The following SLC22A14 variants were observed in gnomAD, a reference collection of about 807,000 sequenced individuals.
The protein encoded by SLC22A14 is solute carrier family 22 member 14, also known as organic cation transporter-like 4.
A neutral mutation model predicts 53.9 loss-of-function variants in SLC22A14; 50 were observed. The observed-to-expected ratio is 0.93, with a 90% CI of 0.74 to 1.17. SLC22A14 has a LOEUF of 1.17. SLC22A14 is among the 50% of genes most tolerant of loss of function. The pLI, the probability that SLC22A14 is intolerant of heterozygous loss-of-function variation, is 0.00. For synonymous variants in SLC22A14, 312 were observed against 303.0 expected, an observed-to-expected ratio of 1.03 and a Z score of -0.31; for missense variants, 671 against 734.7, an observed-to-expected ratio of 0.91 and a Z score of 1.00.
At chr3:38,283,501 G>C (rs555210377) in intron 1 of SLC22A14, among the ~76,000 whole-genome samples, 30 of 152,222 alleles carry the variant, frequency 2.0e-4, no homozygotes, top group Admixed American at 7.8e-4. Context: ...GGGAAATGGT[G>C]CTGGGCTCTG....
intron 1 of SLC22A14, among the ~76,000 whole-genome samples, chr3:38,291,571 C>T (rs979483699): frequency 1.3e-5 from 2 of 152,218 alleles, no homozygotes; most frequent in South Asian, 2.1e-4. Context: ...CTGCTACTGC[C>T]GCCACTACCC....
At chr3:38,313,698 ACG>A (rs1704546498) in intron 7 of SLC22A14, 27 bp from the exon 8 acceptor site, 1 of 677,804 alleles carries the variant, frequency 1.5e-6, no homozygotes, top group Non-Finnish European at 2.1e-6. Flanking sequence ...GCGCGTGTGC[ACG>A]CGCACTTGCC....
intron 5 of SLC22A14, among the ~76,000 whole-genome samples, 168 bp from the exon 6 acceptor site, chr3:38,312,831 C>G (rs1273519783): frequency 6.6e-6 from 1 of 152,150 alleles, no homozygotes; most frequent in Admixed American, 6.5e-5. Context: ...GGGCTGACCA[C>G]CAGGGAGGAG....
chr3:38,297,448 T>G (rs1394854593), intron 1 of SLC22A14, among the ~76,000 whole-genome samples: 2 of 151,044 alleles, frequency 1.3e-5, no homozygotes, highest in Non-Finnish European at 2.9e-5. Context: ...GTGGGATTTT[T>G]TTTTTAATTT....
chr3:38,315,670 G>C lies in SLC22A14; in HGVS notation c.1491G>C (p.Val497=), dbSNP rs114767484. The part of the protein sequence containing the change: ...REFSLAATVT[V]FFLYTAELLP... Reference sequence around the variant, plus strand: ...TCAGCCTGGCCGCCACTGTCACTGTGTTCTTCCTCTACACCGCTGAGCTCC... The same window carrying C: ...TCAGCCTGGCCGCCACTGTCACTGTCTTCTTCCTCTACACCGCTGAGCTCC... Residue 497 remains valine (V), a synonymous_variant, in exon 9 of 11, where the codon GTG becomes GTC. Transcript: ENST00000448498. The C allele has an allele frequency of 2.9e-5, 47 of 1,614,104 alleles. No individual in the cohort carries two copies. In the East Asian group the frequency reaches 4.5e-4, roughly 15 times the overall value.
At chr3:38,304,953 T>G (rs1704262189) in intron 1 of SLC22A14, among the ~76,000 whole-genome samples, 1 of 152,206 alleles carries the variant, frequency 6.6e-6, no homozygotes. Flanking sequence ...ATTTCAGCAA[T>G]TTATTCCAGT....
intron 1 of SLC22A14, among the ~76,000 whole-genome samples, chr3:38,299,755 T>C (rs183973652): frequency 6.6e-6 from 1 of 152,112 alleles, no homozygotes; most frequent in African/African-American, 2.4e-5. Context: ...TAGAGATGGG[T>C]CTTATTTTGT....
intron 1 of SLC22A14, among the ~76,000 whole-genome samples, chr3:38,286,653 C>T (rs1183820687): frequency 1.3e-5 from 2 of 151,786 alleles, no homozygotes; most frequent in African/African-American, 4.8e-5. Context: ...TCAGGTGATT[C>T]CACCCACCTC....
At chr3:38,313,637 C>G (rs1704535582) in intron 7 of SLC22A14, 90 bp from the exon 8 acceptor site, 1 of 1,005,396 alleles carries the variant, frequency 9.9e-7, no homozygotes, top group Non-Finnish European at 1.5e-6. Context: ...CGTTCCTACC[C>G]TGACCCTTGC....
At position 38,315,603 on chromosome 3, in the gene SLC22A14, A is replaced by G. The variant is rs781482091; in HGVS notation, c.1424A>G (p.Glu475Gly). The change falls in exon 9 of 11, where the codon GAG becomes GGG. Residue 475 changes from glutamate (E) to glycine (G), a missense_variant. By Grantham distance (98) the Glu-to-Gly change is moderately conservative. Coordinates refer to ENST00000448498, the MANE Select transcript of SLC22A14 (RefSeq NM_001320033.2). The stretch of plus-strand genomic sequence containing the variant: ...AAGTGGCCACGTTGTCCGGCCACAG[A>G]GCTGAAATCCATGACGATCTTGGTG... Reference protein sequence around the residue: ...RLKWPRCPATELKSMTILVLM... With the variant: ...RLKWPRCPATGLKSMTILVLM... 13 of 1,614,140 alleles carry G rather than the reference A, an allele frequency of 8.1e-6. No homozygotes were observed. In the Admixed American group the frequency reaches 8.3e-5, roughly 10 times the overall value.
At chr3:38,287,463 T>C (rs1703817828) in intron 1 of SLC22A14, among the ~76,000 whole-genome samples, 1 of 152,216 alleles carries the variant, frequency 6.6e-6, no homozygotes, top group Non-Finnish European at 1.5e-5. Context: ...AATTTTTGTT[T>C]ATGATATGAT....
intron 1 of SLC22A14, among the ~76,000 whole-genome samples, chr3:38,284,658 C>T (rs1210320231): frequency 6.6e-6 from 1 of 151,972 alleles, no homozygotes; most frequent in Non-Finnish European, 1.5e-5. Context: ...TCCCGTGAGA[C>T]GAAGGACCAG....
At chr3:38,298,667 G>C (rs747616339) in intron 1 of SLC22A14, among the ~76,000 whole-genome samples, 1 of 151,934 alleles carries the variant, frequency 6.6e-6, no homozygotes, top group African/African-American at 2.4e-5. Flanking sequence ...GCAATTCTCC[G>C]CCTCAGCCTC....
At chr3:38,315,498 G>C in intron 8 of SLC22A14, 60 bp from the exon 9 acceptor site, 1 of 1,539,608 alleles carries the variant, frequency 6.5e-7, no homozygotes, top group Non-Finnish European at 8.8e-7. Context: ...AGGCTGTTCA[G>C]ATGCCTTCTG....
chr3:38,314,545 A>T (rs945334137), intron 8 of SLC22A14, among the ~76,000 whole-genome samples: 7 of 152,204 alleles, frequency 4.6e-5, no homozygotes, highest in African/African-American at 1.7e-4. Context: ...TAAACAGTGG[A>T]TACACCACAG....
At chr3:38,296,400 G>T (rs922604480) in intron 1 of SLC22A14, among the ~76,000 whole-genome samples, 1 of 150,884 alleles carries the variant, frequency 6.6e-6, no homozygotes, top group Non-Finnish European at 1.5e-5. Context: ...TGAGTCTTAA[G>T]TCCGGCAGCC....
chr3:38,284,927 G>A (rs780100442), intron 1 of SLC22A14, among the ~76,000 whole-genome samples: 1 of 152,106 alleles, frequency 6.6e-6, no homozygotes, highest in African/African-American at 2.4e-5. Context: ...AGGACATTAC[G>A]AGCCTATGTT....
intron 10 of SLC22A14, 70 bp from the exon 11 acceptor site, chr3:38,318,128 C>A: frequency 6.9e-7 from 1 of 1,448,404 alleles, no homozygotes; most frequent in South Asian, 1.1e-5. Flanking sequence ...CTGCTGAAGG[C>A]ACAAGCCGCT....
chr3:38,294,571 G>A (rs773648064), intron 1 of SLC22A14, among the ~76,000 whole-genome samples: 35 of 151,714 alleles, frequency 2.3e-4, no homozygotes, highest in Admixed American at 7.2e-4. Context: ...AAAGAACATA[G>A]GGATGCCAGC....
Sources: allele counts gnomAD v4.1 joint callset (sites outside exome capture counted in the v4.1 genomes callset), GRCh38; gene constraint gnomAD v4.1.1; transcripts MANE v1.5; gene names NCBI Gene and HGNC (gene_info 2026-07-23, HGNC 2026-07-21).